C2orf49: variants seen among roughly 807,000 people sequenced by gnomAD.
C2orf49 encodes tRNA splicing ligase complex subunit 2, also known as tRNA-splicing ligase complex subunit ASW.
A neutral mutation model predicts 20.6 loss-of-function variants in C2orf49; 11 were observed. That is an observed-to-expected ratio of 0.53 (90% CI 0.34 to 0.88). The LOEUF is 0.88. C2orf49 is among the 40% of genes least tolerant of loss of function. The pLI, the probability that C2orf49 is intolerant of heterozygous loss-of-function variation, is 0.02. For synonymous variants in C2orf49, 134 were observed against 108.5 expected, an observed-to-expected ratio of 1.24 and a Z score of -1.46; for missense variants, 289 against 274.2, an observed-to-expected ratio of 1.05 and a Z score of -0.38.
chr2:105,343,658 A>C (rs1045629326), intron 3 of C2orf49, among the ~76,000 whole-genome samples: 1 of 152,204 alleles, frequency 6.6e-6, no homozygotes, highest in Non-Finnish European at 1.5e-5. Flanking sequence ...AAACCACACC[A>C]GACACCAGAA....
At chr2:105,352,540 G>T (rs980966267), downstream of C2orf49, among the ~76,000 whole-genome samples, 2 of 148,846 alleles carry the variant, frequency 1.3e-5, no homozygotes, top group Non-Finnish European at 3.0e-5. Context: ...TGCCTCCTGG[G>T]TTCAAGCGAT....
At chr2:105,363,271 C>A in the C2orf49 span, 3 of 1,613,190 alleles carry the variant, frequency 1.9e-6, no homozygotes, top group Non-Finnish European at 2.5e-6. Flanking sequence ...AAATGGGAAC[C>A]CCGGGACACT....
chr2:105,343,818 G>T (rs1472410806), intron 3 of C2orf49, among the ~76,000 whole-genome samples: 5 of 151,864 alleles, frequency 3.3e-5, no homozygotes, highest in Non-Finnish European at 7.4e-5. Context: ...TTAACACAAT[G>T]TATTAGAGTT....
intron 1 of C2orf49, 35 bp downstream of exon 1, chr2:105,337,721 G>GCCCCCCCCCCCCC: frequency 1.1e-4 from 3 of 26,794 alleles, no homozygotes; most frequent in Non-Finnish European, 2.0e-4. Flanking sequence ...GGGCGGGTGG[G>GCCCCCCCCCCCCC]CCTTCCCAGG....
the C2orf49 span, chr2:105,359,033 C>G: frequency 6.6e-6 from 1 of 152,188 alleles, no homozygotes; most frequent in Admixed American, 6.5e-5. Flanking sequence ...GGAAAATCAC[C>G]CAGTGTCGTT....
intron 2 of C2orf49, among the ~76,000 whole-genome samples, chr2:105,340,456 A>G (rs1056130436): frequency 5.3e-5 from 8 of 152,228 alleles, no homozygotes; most frequent in Non-Finnish European, 1.0e-4. Flanking sequence ...AATAGATGGC[A>G]GCAGCTTTGA....
the C2orf49 span, chr2:105,357,662 A>T: frequency 6.6e-6 from 1 of 152,074 alleles, no homozygotes; most frequent in Non-Finnish European, 1.5e-5. Flanking sequence ...CATAGTACTC[A>T]GCATGTGGAA....
chr2:105,367,771 G>A, the C2orf49 span: 1 of 1,602,090 alleles, frequency 6.2e-7, no homozygotes, highest in African/African-American at 1.3e-5. Flanking sequence ...ACACAGCAGA[G>A]TTATGGTTAG....
chr2:105,383,699 G>A, the C2orf49 span, among the ~76,000 whole-genome samples: 4 of 152,234 alleles, frequency 2.6e-5, no homozygotes, highest in South Asian at 6.2e-4. Context: ...GTATCTCCCC[G>A]CCTGCCAGGA....
the C2orf49 span, among the ~76,000 whole-genome samples, chr2:105,382,740 G>A: frequency 6.6e-6 from 1 of 152,098 alleles, no homozygotes; most frequent in Admixed American, 6.5e-5. Flanking sequence ...GGGTGGGTAT[G>A]GTGGCCAGTC....
rs1052228036 is a variant in C2orf49 at position 105,347,342 on chromosome 2, C to T, written c.*1971C>T. On this transcript the variant is annotated 3_prime_UTR_variant, in exon 4 of 4. Transcript: ENST00000258457. Reference sequence around the variant, plus strand: ...CAAATTTTATTTTATATTCAGTTGTCCTCTCTGCTTCCATCTGTGTTGCTC... The same window carrying T: ...CAAATTTTATTTTATATTCAGTTGTTCTCTCTGCTTCCATCTGTGTTGCTC... 3 of 152,114 alleles carry T rather than the reference C, an allele frequency of 2.0e-5. No individual in the cohort carries two copies. Among genetic ancestry groups the T allele is most frequent in the African/African-American group, 7.2e-5 (3 of 41,428 alleles). The allele number at this position is 152,114 out of a possible 1,614,324, so 9.4% of individuals were successfully genotyped here.
the C2orf49 span, among the ~76,000 whole-genome samples, chr2:105,365,372 G>C: frequency 1.3e-5 from 2 of 152,200 alleles, no homozygotes; most frequent in Middle Eastern, 3.2e-3. Context: ...CTTCTGGCAT[G>C]AATGTTTTTG....
At chr2:105,363,302 C>A in the C2orf49 span, 4 of 1,614,148 alleles carry the variant, frequency 2.5e-6, no homozygotes. Context: ...GGGGTTGGTG[C>A]ACCCAGCACA....
At chr2:105,354,318 G>A in the C2orf49 span, among the ~76,000 whole-genome samples, 4 of 152,166 alleles carry the variant, frequency 2.6e-5, no homozygotes, top group Non-Finnish European at 5.9e-5. Flanking sequence ...ACTTACTTCA[G>A]TGACTAAATT....
At chr2:105,338,687 G>A (rs1181658368) in intron 1 of C2orf49, among the ~76,000 whole-genome samples, 1 of 152,138 alleles carries the variant, frequency 6.6e-6, no homozygotes, top group African/African-American at 2.4e-5. Flanking sequence ...GAGCGAGTAC[G>A]GGCTAAAAAT....
the C2orf49 span, among the ~76,000 whole-genome samples, chr2:105,384,953 A>G: frequency 6.6e-6 from 1 of 152,248 alleles, no homozygotes; most frequent in Non-Finnish European, 1.5e-5. Flanking sequence ...TGTTAAATAC[A>G]TGAAAAGGGA....
Position 105,343,049 on chromosome 2 carries a change from C to T in C2orf49, c.468C>T (p.Ser156=), listed in dbSNP as rs1473878863. Reference sequence around the variant, plus strand: ...GTGTTTCACCCCTAATTTTGTCTTCCAATTTGCCTGTGAACAATAAAACGG... The same window carrying T: ...GTGTTTCACCCCTAATTTTGTCTTCTAATTTGCCTGTGAACAATAAAACGG... The part of the protein sequence containing the change: ...SSSVSPLILS[S]NLPVNNKTEH... Residue 156 remains serine, a synonymous_variant, in exon 3 of 4, where the codon TCC becomes TCT. Transcript: ENST00000258457. The T allele has an allele frequency of 6.2e-7, 1 of 1,614,168 alleles. No homozygotes were observed. Among genetic ancestry groups the T allele is most frequent in the Admixed American group, 1.7e-5 (1 of 60,022 alleles).
rs1172642542 is a variant in C2orf49 at position 105,343,183 on chromosome 2, A to C, written c.602A>C (p.Lys201Thr). 3.7e-6 allele frequency: 6 copies of C among 1,609,990 alleles called. No homozygotes were observed. In the South Asian group the frequency reaches 6.6e-5, roughly 18 times the overall value. ...PLSPVGTTPV[K>T]LKRAAPKEEA... ...TCCCCTGTTGGAACTACTCCAGTGA[A>C]GTTAAAGAGAGCTGCTCCTAAAGAA... The change falls in exon 3 of 4, where the codon AAG (lysine) becomes ACG (threonine). Residue 201 changes from lysine (K) to threonine (T), a missense_variant. By Grantham distance (78) the Lys-to-Thr change is moderately conservative (BLOSUM62 -1). Coordinates refer to ENST00000258457, the MANE Select transcript of C2orf49 (RefSeq NM_024093.3).
the C2orf49 span, among the ~76,000 whole-genome samples, chr2:105,385,584 C>G: frequency 6.6e-6 from 1 of 152,208 alleles, no homozygotes; most frequent in African/African-American, 2.4e-5. Context: ...TCACGGCACT[C>G]AGGATGACAG....
Sources: allele counts gnomAD v4.1 joint callset (sites outside exome capture counted in the v4.1 genomes callset), GRCh38; gene constraint gnomAD v4.1.1; transcripts MANE v1.5; gene names NCBI Gene and HGNC (gene_info 2026-07-23, HGNC 2026-07-21).